Variants in DDX60 observed in about 807,000 individuals in gnomAD.
DDX60 encodes the protein DExD/H-box helicase 60, also known as probable ATP-dependent RNA helicase DDX60.
In DDX60, 165 loss-of-function variants were observed where a neutral mutation model predicts 212.8. The ratio of observed to expected loss-of-function variants is 0.78; its 90% CI spans 0.68 to 0.88. The LOEUF is 0.88. Among genes scored for constraint, DDX60 ranks in the 40% least tolerant of loss-of-function variants. The probability of loss-of-function intolerance (pLI) is 0.00; values close to 1 mark genes in which losing one functional copy is unlikely to be tolerated. For missense variants in DDX60, 1,905 were observed against 2,003.9 expected, an observed-to-expected ratio of 0.95 and a Z score of 0.94; for synonymous variants, 703 against 685.3, an observed-to-expected ratio of 1.03 and a Z score of -0.40.
intron 6 of DDX60, 73 bp from the exon 7 acceptor site, chr4:168,294,018 TG>T: frequency 1.4e-5 from 19 of 1,400,330 alleles, no homozygotes; most frequent in Non-Finnish European, 1.8e-5. Context: ...ATCTTACTAG[TG>T]GGTACTACTA....
intron 36 of DDX60, 108 bp downstream of exon 36, chr4:168,221,622 C>T (rs970048096): frequency 2.8e-5 from 34 of 1,212,720 alleles, no homozygotes; most frequent in African/African-American, 1.1e-4. Context: ...TATGATTTAA[C>T]CTGCACTTGA....
rs149653422 is a variant in DDX60, at chr4:168,249,728, A to G, written c.3858+1226T>C. Among the ~76,000 whole-genome samples the G allele has an allele frequency of 6.3e-4, 96 of 152,330 alleles. 1 individual carries two copies. The East Asian group carries it at 0.018, about 28-fold the overall frequency. ...TTCATAAGCATGTAGAAAATATTGT[A>G]CGTGGTTATTAGCCTTTAAAAGAGA... On this transcript the variant is annotated intron_variant, in intron 28 of 37. Coordinates refer to ENST00000393743, the MANE Select transcript of DDX60 (RefSeq NM_017631.6).
intron 30 of DDX60, among the ~76,000 whole-genome samples, chr4:168,238,422 GGGAA>G (rs1733713352): frequency 3.6e-3 from 4 of 1,118 alleles, no homozygotes; most frequent in Non-Finnish European, 0.012. Context: ...GGAGAGGGGA[GGGAA>G]GGGAAGGGAA....
At chr4:168,297,371 A>AAAGG in intron 6 of DDX60, among the ~76,000 whole-genome samples, 1 of 56,386 alleles carries the variant, frequency 1.8e-5, no homozygotes, top group South Asian at 5.4e-4. Flanking sequence ...AGAAAGAAAG[A>AAAGG]AAGAAAGAAA....
Position 168,225,608 on chromosome 4 carries a change from C to A in DDX60, c.4602G>T (p.Glu1534Asp). The change falls in exon 34 of 38, where the codon GAG (glutamate) becomes GAT (aspartate). Residue 1534 changes from glutamate (E) to aspartate (D), a missense_variant. Glu to Asp is a conservative substitution (Grantham distance 45). Transcript: ENST00000393743. ...ALDEYNMKIM[E>D]DFTTFLRIVS... Reference sequence around the variant, plus strand: ...CAATTCGTAGGAAAGTGGTAAAGTCCTCCATAATTTTCATGTTATATTCAT... The same window carrying A: ...CAATTCGTAGGAAAGTGGTAAAGTCATCCATAATTTTCATGTTATATTCAT... 1 of 1,611,414 alleles carries A rather than the reference C, an allele frequency of 6.2e-7. No individual in the cohort carries two copies. The highest frequency in any genetic ancestry group is 8.5e-7 in the Non-Finnish European group (1 of 1,178,796).
At chr4:168,318,454 G>T (rs1055861258) in intron 1 of DDX60, among the ~76,000 whole-genome samples, 168 bp downstream of exon 1, 9 of 152,242 alleles carry the variant, frequency 5.9e-5, no homozygotes, top group African/African-American at 2.2e-4. Context: ...GGCCAGCAGG[G>T]GGCCCGTGCG....
intron 30 of DDX60, among the ~76,000 whole-genome samples, chr4:168,239,721 G>A (rs1305830836): frequency 6.6e-6 from 1 of 152,042 alleles, no homozygotes; most frequent in Non-Finnish European, 1.5e-5. Context: ...AGACTGGAAT[G>A]TGCCTGGGGT....
At chr4:168,298,102 G>A (rs1736490456) in intron 6 of DDX60, among the ~76,000 whole-genome samples, 1 of 151,778 alleles carries the variant, frequency 6.6e-6, no homozygotes, top group Non-Finnish European at 1.5e-5. Context: ...AAATGGTACA[G>A]CATGGTAATT....
rs562999867 is a variant in DDX60 at position 168,313,692 on chromosome 4, C to T, written c.-106-2327G>A. Among the ~76,000 whole-genome samples, 8 of 152,212 alleles carry T rather than the reference C, an allele frequency of 5.3e-5. No homozygotes were observed. The South Asian group carries it at 1.7e-3, about 32-fold the overall frequency. On this transcript the variant is annotated intron_variant, in intron 1 of 37. Coordinates refer to ENST00000393743, the MANE Select transcript of DDX60 (RefSeq NM_017631.6). ...GATGAAATAAGTTAATTTACAGGTT[C>T]CCAGATGTTCACGATGCTCTTAGAG... is the stretch of plus-strand genomic sequence containing the variant.
intron 18 of DDX60, 80 bp from the exon 19 acceptor site, chr4:168,272,218 G>T (rs1294376610): frequency 1.8e-6 from 2 of 1,111,550 alleles, no homozygotes; most frequent in African/African-American, 1.5e-5. Context: ...ATGTAAGATA[G>T]ACTTATGAGT....
chr4:168,262,964 A>G (rs1483933936), intron 22 of DDX60, among the ~76,000 whole-genome samples, 177 bp from the exon 23 acceptor site: 1 of 152,162 alleles, frequency 6.6e-6, no homozygotes, highest in Non-Finnish European at 1.5e-5. Context: ...ATCACAAAAG[A>G]GGGAAAAAAG....
intron 13 of DDX60, among the ~76,000 whole-genome samples, chr4:168,282,309 C>G (rs528794401): frequency 6.6e-6 from 1 of 152,208 alleles, no homozygotes; most frequent in South Asian, 2.1e-4. Flanking sequence ...GTAGAAAATA[C>G]AAGAACTTTT....
chr4:168,226,218 G>C (rs1733249858), intron 33 of DDX60, among the ~76,000 whole-genome samples: 1 of 152,080 alleles, frequency 6.6e-6, no homozygotes, highest in South Asian at 2.1e-4. Context: ...CTTAGAAAGA[G>C]TAAATATTCC....
intron 33 of DDX60, among the ~76,000 whole-genome samples, chr4:168,226,712 G>A (rs1045650696): frequency 6.6e-6 from 1 of 152,050 alleles, no homozygotes; most frequent in Non-Finnish European, 1.5e-5. Context: ...AAAAAAGAAT[G>A]AGATCCTGTC....
chr4:168,255,648 C>T (rs1470367201), intron 26 of DDX60, 63 bp downstream of exon 26: 1 of 1,362,146 alleles, frequency 7.3e-7, no homozygotes, highest in Non-Finnish European at 9.9e-7. Context: ...ATTTACGTTT[C>T]CTACTAGGAC....
chr4:168,220,763 G>T, intron 36 of DDX60, 46 bp from the exon 37 acceptor site: 2 of 1,010,496 alleles, frequency 2.0e-6, no homozygotes, highest in South Asian at 5.0e-5. Context: ...AAACATTAAA[G>T]AACATCCTAT....
chr4:168,225,290 AG>A (rs1449306666), intron 34 of DDX60, among the ~76,000 whole-genome samples: 4 of 152,062 alleles, frequency 2.6e-5, no homozygotes. Flanking sequence ...TCAGTTTTCC[AG>A]GCTTGACCCT....
chr4:168,287,004 G>A (rs1031072282), intron 10 of DDX60, 44 bp downstream of exon 10: 1 of 1,485,904 alleles, frequency 6.7e-7, no homozygotes, highest in African/African-American at 1.4e-5. Flanking sequence ...AACACTTTCA[G>A]AGGAATAATG....
chr4:168,268,991 ATCTC>A, intron 19 of DDX60, 22 bp from the exon 20 acceptor site: 9 of 1,095,624 alleles, frequency 8.2e-6, no homozygotes, highest in Non-Finnish European at 1.0e-5. Context: ...AAAAAAAAAA[ATCTC>A]AACTGAAAAG....
Sources: allele counts gnomAD v4.1 joint callset (sites outside exome capture counted in the v4.1 genomes callset), GRCh38; gene constraint gnomAD v4.1.1; transcripts MANE v1.5; gene names NCBI Gene and HGNC (gene_info 2026-07-23, HGNC 2026-07-21).